Variants in CTNNA3 observed in about 807,000 individuals in gnomAD.
CTNNA3 encodes the protein catenin alpha-3.
CTNNA3 carries 76 observed loss-of-function variants against 95.7 expected under a neutral mutation model. The ratio of observed to expected loss-of-function variants is 0.79; its 90% CI spans 0.66 to 0.96. CTNNA3 has a LOEUF of 0.96. Ranked by LOEUF, CTNNA3 falls within the 40% of genes least tolerant of loss-of-function variation. The pLI, the probability that CTNNA3 is intolerant of heterozygous loss-of-function variation, is 0.00. For missense variants in CTNNA3, 1,191 were observed against 1,089.8 expected (o/e 1.09, Z -1.31); for synonymous variants, 431 against 374.4 (o/e 1.15, Z -1.74).
chr10:66,190,706 C>T (rs931051696), intron 13 of CTNNA3, among the ~76,000 whole-genome samples: 1 of 152,100 alleles, frequency 6.6e-6, no homozygotes, highest in Admixed American at 6.6e-5. Context: ...TCTACGTCTT[C>T]TCATCCTGTA....
intron 17 of CTNNA3, among the ~76,000 whole-genome samples, chr10:65,948,531 C>G (rs183506829): frequency 6.7e-6 from 1 of 150,366 alleles, no homozygotes; most frequent in Non-Finnish European, 1.5e-5. Context: ...CACTTATTCC[C>G]CTATGGTTGT....
chr10:66,905,371 G>C (rs1251300366), intron 7 of CTNNA3, among the ~76,000 whole-genome samples: 3 of 152,114 alleles, frequency 2.0e-5, no homozygotes, highest in Admixed American at 6.6e-5. Context: ...GGCCTATTGG[G>C]GGTTGGAGGA....
At chr10:66,991,637 C>T (rs992340386) in intron 7 of CTNNA3, among the ~76,000 whole-genome samples, 7 of 152,052 alleles carry the variant, frequency 4.6e-5, no homozygotes, top group Middle Eastern at 3.2e-3. Flanking sequence ...CTGCAACCTT[C>T]GCCTCCTGGG....
intron 3 of CTNNA3, among the ~76,000 whole-genome samples, chr10:67,544,645 G>T (rs887833552): frequency 6.6e-6 from 1 of 152,172 alleles, no homozygotes; most frequent in Admixed American, 6.5e-5. Context: ...CAAGGCTAGG[G>T]AAAGAACCAC....
chr10:66,136,714 G>GTAA (rs61135573), intron 13 of CTNNA3, among the ~76,000 whole-genome samples: 1 of 151,764 alleles, frequency 6.6e-6, no homozygotes, highest in Non-Finnish European at 1.5e-5. Flanking sequence ...TTAGAAGAGA[G>GTAA]CATTGTGTTG....
chr10:66,852,656 A>G (rs972988335), intron 7 of CTNNA3, among the ~76,000 whole-genome samples: 1 of 152,166 alleles, frequency 6.6e-6, no homozygotes, highest in African/African-American at 2.4e-5. Flanking sequence ...TGCAGAATAT[A>G]CTGTGGCATA....
intron 11 of CTNNA3, among the ~76,000 whole-genome samples, chr10:66,445,587 A>G (rs1200638245): frequency 1.3e-5 from 2 of 152,014 alleles, no homozygotes; most frequent in Non-Finnish European, 2.9e-5. Context: ...GGTACATAAC[A>G]AAATGAAGGC....
chr10:67,718,597 G>A (rs1433636181), intron 1 of CTNNA3, among the ~76,000 whole-genome samples: 2 of 152,180 alleles, frequency 1.3e-5, no homozygotes, highest in African/African-American at 2.4e-5. Flanking sequence ...CTGTTTATGG[G>A]ATGGATTACA....
intron 7 of CTNNA3, among the ~76,000 whole-genome samples, chr10:66,980,787 T>C (rs1850383767): frequency 6.6e-6 from 1 of 152,120 alleles, no homozygotes; most frequent in African/African-American, 2.4e-5. Context: ...TGTACAAGAG[T>C]GTTCAAGATA....
intron 7 of CTNNA3, among the ~76,000 whole-genome samples, chr10:67,053,519 T>C (rs1855241549): frequency 6.6e-6 from 1 of 152,180 alleles, no homozygotes; most frequent in African/African-American, 2.4e-5. Context: ...TTGAAGAAGC[T>C]TGAAATAGAG....
At chr10:66,353,957 C>A (rs745564803) in intron 12 of CTNNA3, among the ~76,000 whole-genome samples, 5 of 151,968 alleles carry the variant, frequency 3.3e-5, no homozygotes, top group Non-Finnish European at 7.4e-5. Flanking sequence ...AAATAATCAT[C>A]CATATGGGAG....
At chr10:67,293,156 G>A (rs1168855164) in intron 5 of CTNNA3, among the ~76,000 whole-genome samples, 2 of 152,036 alleles carry the variant, frequency 1.3e-5, no homozygotes, top group Non-Finnish European at 2.9e-5. Context: ...AAGTTGCTAA[G>A]CTTGATCAAG....
At chr10:67,187,300 G>C (rs983872848) in intron 6 of CTNNA3, among the ~76,000 whole-genome samples, 1 of 152,102 alleles carries the variant, frequency 6.6e-6, no homozygotes, top group African/African-American at 2.4e-5. Flanking sequence ...CCGAGAGTGA[G>C]CAAGATTAAG....
At position 65,988,805 on chromosome 10, in the gene CTNNA3, A is replaced by G; in HGVS notation, c.2160-8T>C. 6.2e-7 allele frequency: 1 copy of G among 1,602,478 alleles called. No individual in the cohort carries two copies. The highest frequency in any genetic ancestry group is 1.3e-5 in the African/African-American group (1 of 74,768). ...TTTAGTGGTCCTTTGCCCCTGGAAA[A>G]AAATTTATATATGTTAGCTGTGGTG... is the stretch of plus-strand genomic sequence containing the variant. On this transcript the variant is annotated splice_region_variant and splice_polypyrimidine_tract_variant and intron_variant, in intron 15 of 17. Transcript: ENST00000433211.
At chr10:67,211,727 TCTC>T (rs1215512617) in intron 6 of CTNNA3, among the ~76,000 whole-genome samples, 1 of 152,050 alleles carries the variant, frequency 6.6e-6, no homozygotes, top group East Asian at 1.9e-4. Context: ...ATTCCAACAG[TCTC>T]CATCATTTGT....
At chr10:67,256,515 T>C (rs1866357407) in intron 5 of CTNNA3, among the ~76,000 whole-genome samples, 1 of 152,178 alleles carries the variant, frequency 6.6e-6, no homozygotes, top group Non-Finnish European at 1.5e-5. Flanking sequence ...ACACATGAAT[T>C]TGATCATTAC....
intron 7 of CTNNA3, among the ~76,000 whole-genome samples, chr10:66,956,954 C>T (rs1848823091): frequency 1.3e-5 from 2 of 152,136 alleles, no homozygotes; most frequent in Admixed American, 6.6e-5. Flanking sequence ...TGCCTAATGG[C>T]TTTGCTTTGG....
chr10:66,161,967 T>C (rs539748668), intron 13 of CTNNA3, among the ~76,000 whole-genome samples: 135 of 152,268 alleles, frequency 8.9e-4, no homozygotes, highest in African/African-American at 3.1e-3. Context: ...TCTGAATTTC[T>C]TTATTCTACT....
intron 12 of CTNNA3, among the ~76,000 whole-genome samples, chr10:66,362,741 T>G (rs2092685845): frequency 6.6e-6 from 1 of 152,014 alleles, no homozygotes; most frequent in Non-Finnish European, 1.5e-5. Context: ...AAAGGTAATT[T>G]GATAAATTGG....
Sources: gnomAD v4.1 joint callset for allele counts (sites outside exome capture counted in the v4.1 genomes callset) on GRCh38, gnomAD v4.1.1 for gene constraint, MANE v1.5 for transcripts, NCBI Gene and HGNC (gene_info 2026-07-23, HGNC 2026-07-21) for gene names.